CD163L1: variants seen among roughly 807,000 people sequenced by gnomAD.
The protein encoded by CD163L1 is CD163 molecule like 1.
CD163L1 carries 124 observed loss-of-function variants against 165.4 expected under a neutral mutation model. That is an observed-to-expected ratio of 0.75 (90% CI 0.65 to 0.87). The LOEUF is 0.87. CD163L1 is among the 40% of genes least tolerant of loss of function. CD163L1 has a pLI of 0.00. For synonymous variants in CD163L1, 585 were observed against 662.2 expected (o/e 0.88, Z 1.79); for missense variants, 1,525 against 1,799.9 (o/e 0.85, Z 2.76).
At chr12:7,420,236 C>T (rs1192414977) in intron 4 of CD163L1, among the ~76,000 whole-genome samples, 1 of 152,026 alleles carries the variant, frequency 6.6e-6, no homozygotes, top group Non-Finnish European at 1.5e-5. Flanking sequence ...AAATCTAAGA[C>T]CCGAAACCGT....
intron 4 of CD163L1, among the ~76,000 whole-genome samples, chr12:7,414,304 T>C (rs1050786559): frequency 1.3e-5 from 2 of 151,186 alleles, no homozygotes; most frequent in Non-Finnish European, 3.0e-5. Context: ...AATTTTGGAG[T>C]AAAAAAAATA....
At chr12:7,430,503 T>C (rs781205810) in intron 4 of CD163L1, among the ~76,000 whole-genome samples, 13 of 152,296 alleles carry the variant, frequency 8.5e-5, no homozygotes, top group African/African-American at 2.6e-4. Flanking sequence ...AATTAACCAG[T>C]TAAAACATAA....
chr12:7,373,567 G>A lies in CD163L1; in HGVS notation c.3483C>T (p.Asn1161=), dbSNP rs746578351. The change falls in exon 14 of 20, where the codon AAC becomes AAT. Residue 1161 remains asparagine, a synonymous_variant. Transcript: ENST00000313599. ...TCCTGCCGACGCTGCCCCAGGTCCC[G>A]TTATAGAAGACTTCCAATCTCCCAG... The part of the protein sequence containing the change: ...SCAGRLEVFY[N]GTWGSVGRRN... 1.7e-5 allele frequency: 27 copies of A among 1,613,996 alleles called. No individual in the cohort carries two copies. Among genetic ancestry groups the A allele is most frequent in the Non-Finnish European group, 2.2e-5 (26 of 1,179,978 alleles).
rs895798077 is a variant in CD163L1, at chr12:7,441,333, T to C, written c.32-87A>G. 10 of 920,886 alleles carry C rather than the reference T, an allele frequency of 1.1e-5. No individual in the cohort carries two copies. The African/African-American group carries it at 1.5e-4, about 14-fold the overall frequency. 57.0% of individuals were successfully genotyped at this position (920,886 alleles called of 1,614,324 possible). A position where few individuals can be genotyped will look rare whatever the true frequency, so the allele number is the denominator to read the frequency against. The stretch of plus-strand genomic sequence containing the variant: ...TCAATGACTTAAATCCAAAATAAAA[T>C]AGAAGGAGTAAGATGAATTATTCTT... On this transcript the variant is annotated intron_variant, in intron 1 of 19. Coordinates refer to ENST00000313599, the MANE Select transcript of CD163L1 (RefSeq NM_174941.6).
At chr12:7,409,207 T>C (rs1314266999) in intron 4 of CD163L1, among the ~76,000 whole-genome samples, 1 of 152,164 alleles carries the variant, frequency 6.6e-6, no homozygotes, top group African/African-American at 2.4e-5. Flanking sequence ...CATGTGTCAT[T>C]TGTAAATATA....
At chr12:7,384,492 C>T (rs773889457) in intron 8 of CD163L1, among the ~76,000 whole-genome samples, 1 of 152,082 alleles carries the variant, frequency 6.6e-6, no homozygotes, top group South Asian at 2.1e-4. Context: ...CTCCAAGGCA[C>T]ATTATACTCA....
chr12:7,343,892 G>C (rs984828656), downstream of CD163L1, among the ~76,000 whole-genome samples: 10 of 152,128 alleles, frequency 6.6e-5, no homozygotes, highest in Admixed American at 4.6e-4. Context: ...CAACTTCAAA[G>C]TCTCATCTGG....
rs59433408 is a variant in CD163L1, at chr12:7,385,250, T to TAA, written c.2051-5954_2051-5953dup. Among the ~76,000 whole-genome samples the TAA allele has an allele frequency of 1.5e-3, 203 of 139,548 alleles. 1 individual carries two copies. Among genetic ancestry groups the TAA allele is most frequent in the African/African-American group, 4.1e-3 (161 of 39,038 alleles). 91.5% of individuals were successfully genotyped at this position (139,548 alleles called of 152,430 possible). On this transcript the variant is annotated intron_variant, in intron 8 of 19. Coordinates refer to ENST00000313599, the MANE Select transcript of CD163L1 (RefSeq NM_174941.6). ...AAAGTGAACTTTAAGTTAAAAACTGTAAAAAAAAAAAAAGACAATCATCAT... is the reference window on the plus strand; with the variant it reads ...AAAGTGAACTTTAAGTTAAAAACTGTAAAAAAAAAAAAAAAGACAATCATCAT...
At chr12:7,384,474 A>C (rs1036641524) in intron 8 of CD163L1, among the ~76,000 whole-genome samples, 1 of 152,130 alleles carries the variant, frequency 6.6e-6, no homozygotes, top group African/African-American at 2.4e-5. Flanking sequence ...CCTCCCACAA[A>C]ATGTATTCTC....
chr12:7,327,114 A>G, the CD163L1 span: 1 of 1,581,910 alleles, frequency 6.3e-7, no homozygotes, highest in Admixed American at 1.8e-5. Context: ...TTTGCCCAAA[A>G]GTTAAGTTTG....
At chr12:7,382,324 C>T (rs970781283) in intron 8 of CD163L1, among the ~76,000 whole-genome samples, 1 of 152,014 alleles carries the variant, frequency 6.6e-6, no homozygotes, top group South Asian at 2.1e-4. Flanking sequence ...GGCTTCAAGA[C>T]GGCTACTAGA....
At chr12:7,384,222 T>C (rs977785522) in intron 8 of CD163L1, among the ~76,000 whole-genome samples, 3 of 151,920 alleles carry the variant, frequency 2.0e-5, no homozygotes, top group Non-Finnish European at 4.4e-5. Context: ...TGAAGATAAA[T>C]CTTTGAAATA....
chr12:7,404,609 A>G (rs775822021), intron 5 of CD163L1, among the ~76,000 whole-genome samples: 3 of 152,188 alleles, frequency 2.0e-5, no homozygotes, highest in Non-Finnish European at 4.4e-5. Flanking sequence ...TAATTGAGGA[A>G]AGGAGATATA....
intron 4 of CD163L1, among the ~76,000 whole-genome samples, chr12:7,422,584 G>A (rs1431969640): frequency 6.6e-6 from 1 of 151,398 alleles, no homozygotes; most frequent in Non-Finnish European, 1.5e-5. Context: ...TCAGTTTAGA[G>A]AAGAACATAA....
intron 4 of CD163L1, among the ~76,000 whole-genome samples, chr12:7,424,106 C>A (rs1005561194): frequency 6.6e-6 from 1 of 152,146 alleles, no homozygotes. Context: ...CTGAATCCAG[C>A]AGCACATCAA....
At chr12:7,440,154 G>A (rs1948805783) in intron 2 of CD163L1, among the ~76,000 whole-genome samples, 1 of 152,372 alleles carries the variant, frequency 6.6e-6, no homozygotes, top group Middle Eastern at 3.4e-3. Flanking sequence ...CTCAGGCTCC[G>A]CCGCCTGCTC....
intron 8 of CD163L1, among the ~76,000 whole-genome samples, chr12:7,388,511 G>GCTT (rs748417985): frequency 0.026 from 3,946 of 152,266 alleles, 89 homozygotes; most frequent in Non-Finnish European, 0.041. Flanking sequence ...GGGAGGCCAA[G>GCTT]GAGGGCAGAT....
In CD163L1 at chr12:7,400,717, C is replaced by G. The variant is rs745341025; in HGVS notation, c.1409-2133G>C. 1.5e-4 allele frequency among the ~76,000 whole-genome samples: 23 copies of G among 152,170 alleles called. No homozygotes were observed. The Middle Eastern group carries it at 0.014, about 90-fold the overall frequency. ...GTTTAATATTACCTTAAAAACAATT[C>G]CAATGTCAATTCATATTTAGAAGAA... On this transcript the variant is annotated intron_variant, in intron 6 of 19. Transcript: ENST00000313599. The surrounding 1 kb of genome is among the most constrained non-coding windows in gnomAD (Gnocchi z 4.1).
intron 14 of CD163L1, among the ~76,000 whole-genome samples, chr12:7,371,154 C>A (rs536128217): frequency 1.1e-4 from 16 of 152,146 alleles, no homozygotes; most frequent in Non-Finnish European, 1.9e-4. Flanking sequence ...GCCTCATTAG[C>A]CATATGGAAC....
Sources: allele counts gnomAD v4.1 joint callset (sites outside exome capture counted in the v4.1 genomes callset), GRCh38; gene constraint gnomAD v4.1.1; non-coding constraint Gnocchi (gnomAD v3.1); transcripts MANE v1.5; gene names NCBI Gene and HGNC (gene_info 2026-07-23, HGNC 2026-07-21).